Variants in ZDHHC14 observed in about 807,000 individuals in gnomAD.
ZDHHC14 encodes zDHHC palmitoyltransferase 14, also known as palmitoyltransferase ZDHHC14.
Under a neutral mutation model 47.7 loss-of-function variants are expected in ZDHHC14, and 16 were observed. The observed-to-expected ratio is 0.34, with a 90% CI of 0.23 to 0.51. The LOEUF (loss-of-function observed/expected upper bound fraction) is 0.51. Among genes scored for constraint, ZDHHC14 ranks in the 20% least tolerant of loss-of-function variants. The pLI, the probability that ZDHHC14 is intolerant of heterozygous loss-of-function variation, is 0.97. For missense variants in ZDHHC14, 515 were observed against 662.5 expected (o/e 0.78, Z 2.44); for synonymous variants, 293 against 278.9 (o/e 1.05, Z -0.50).
chr6:157,382,379 T>A (rs1777232081), intron 1 of ZDHHC14, 113 bp downstream of exon 1: 2 of 1,277,128 alleles, frequency 1.6e-6, no homozygotes, highest in Non-Finnish European at 2.2e-6. Flanking sequence ...TAAATTGTTA[T>A]ATAATGCCAG....
At chr6:157,491,373 A>G (rs1779911655) in intron 1 of ZDHHC14, among the ~76,000 whole-genome samples, 1 of 152,188 alleles carries the variant, frequency 6.6e-6, no homozygotes, top group African/African-American at 2.4e-5. Context: ...AAAGGCAGGA[A>G]CTACATTGAT....
chr6:157,664,279 T>C (rs931257209), intron 8 of ZDHHC14, among the ~76,000 whole-genome samples: 1 of 152,248 alleles, frequency 6.6e-6, no homozygotes, highest in East Asian at 1.9e-4. Flanking sequence ...TCATTTTGCT[T>C]ATTGTGCTTT....
At chr6:157,583,509 G>A (rs561626339) in intron 2 of ZDHHC14, among the ~76,000 whole-genome samples, 22 of 151,798 alleles carry the variant, frequency 1.4e-4, no homozygotes, top group African/African-American at 3.6e-4. Context: ...TTGTTGGTTC[G>A]TTTGTTTTGT....
intron 1 of ZDHHC14, among the ~76,000 whole-genome samples, chr6:157,495,123 A>G (rs780425296): frequency 6.6e-6 from 1 of 151,876 alleles, no homozygotes; most frequent in Non-Finnish European, 1.5e-5. Context: ...AAGGAGATTT[A>G]TAGTGTTTTT....
At chr6:157,393,141 A>G (rs564353340) in intron 1 of ZDHHC14, among the ~76,000 whole-genome samples, 351 of 152,324 alleles carry the variant, frequency 2.3e-3, no homozygotes, top group Non-Finnish European at 3.9e-3. Flanking sequence ...GGCCTCTCAA[A>G]GTGCTGGAAT....
intron 5 of ZDHHC14, among the ~76,000 whole-genome samples, chr6:157,637,250 G>A (rs912543318): frequency 1.3e-5 from 2 of 152,212 alleles, no homozygotes; most frequent in African/African-American, 4.8e-5. Context: ...GTGAAGCCCT[G>A]TAGCTCCTGA....
intron 4 of ZDHHC14, chr6:157,629,627 C>G (rs1326330737): frequency 1.3e-5 from 2 of 152,174 alleles, no homozygotes; most frequent in Admixed American, 1.3e-4. Flanking sequence ...TTCATAGGTA[C>G]TTTCAATCCT....
At chr6:157,604,552 CT>C (rs10533378) in intron 3 of ZDHHC14, among the ~76,000 whole-genome samples, 94 of 148,008 alleles carry the variant, frequency 6.4e-4, no homozygotes, top group Middle Eastern at 3.5e-3. Flanking sequence ...ATTTGTTACT[CT>C]TTTTTTTTTT....
At chr6:157,453,027 C>A (rs961179842) in intron 1 of ZDHHC14, among the ~76,000 whole-genome samples, 4 of 152,116 alleles carry the variant, frequency 2.6e-5, no homozygotes, top group Admixed American at 6.6e-5. Flanking sequence ...GAGTAATAAG[C>A]ACAATACTCT....
intron 1 of ZDHHC14, among the ~76,000 whole-genome samples, chr6:157,406,434 C>G (rs1777765482): frequency 6.6e-6 from 1 of 152,156 alleles, no homozygotes; most frequent in Non-Finnish European, 1.5e-5. Flanking sequence ...AATATGATTG[C>G]AGAAAAATAT....
intron 3 of ZDHHC14, among the ~76,000 whole-genome samples, chr6:157,614,530 C>T (rs754700424): frequency 1.4e-4 from 22 of 152,156 alleles, no homozygotes; most frequent in Non-Finnish European, 2.4e-4. Context: ...GCCTTAACTC[C>T]GAGGAAATCA....
chr6:157,673,839 G>A lies in ZDHHC14; in HGVS notation c.*717G>A, dbSNP rs1292009737. 1 of 152,556 alleles carries A rather than the reference G, an allele frequency of 6.6e-6. No individual in the cohort carries two copies. The highest frequency in any genetic ancestry group is 1.5e-5 in the Non-Finnish European group (1 of 68,040). The allele number at this position is 152,556 out of a possible 1,614,324, so 9.5% of individuals were successfully genotyped here. A position where few individuals can be genotyped will look rare whatever the true frequency, so the allele number is the denominator to read the frequency against. ...ACCTTCTGTTTGGCCGCTCGATGAGGTCTCGTGTTGAGATATTGTGTGCCA... is the reference window on the plus strand; with the variant it reads ...ACCTTCTGTTTGGCCGCTCGATGAGATCTCGTGTTGAGATATTGTGTGCCA... On this transcript the variant is annotated 3_prime_UTR_variant, in exon 9 of 9. Transcript: ENST00000359775. This position sits in a 1 kb window ranked among gnomAD's most constrained non-coding sequence, Gnocchi z 5.4.
At chr6:157,584,944 G>GCTGTAAT (rs1783634514) in intron 2 of ZDHHC14, among the ~76,000 whole-genome samples, 1 of 152,098 alleles carries the variant, frequency 6.6e-6, no homozygotes, top group Admixed American at 6.6e-5. Context: ...GTGGCTCATG[G>GCTGTAAT]CTGTAATCCC....
chr6:157,640,032 G>A (rs1424531309), intron 5 of ZDHHC14, among the ~76,000 whole-genome samples: 1 of 152,150 alleles, frequency 6.6e-6, no homozygotes, highest in Non-Finnish European at 1.5e-5. Flanking sequence ...GTGCCTGTCC[G>A]GGAAGCCATG....
At position 157,593,100 on chromosome 6, in the gene ZDHHC14, C is replaced by T. The variant is rs772052990; in HGVS notation, c.519C>T (p.Phe173=). The T allele has an allele frequency of 1.9e-6, 3 of 1,614,156 alleles. No homozygotes were observed. In the South Asian group the frequency reaches 3.3e-5, roughly 18 times the overall value. The change falls in exon 3 of 9, where the codon TTC becomes TTT. Residue 173 remains phenylalanine, a synonymous_variant. Coordinates refer to ENST00000359775, the MANE Select transcript of ZDHHC14 (RefSeq NM_024630.3). The stretch of plus-strand genomic sequence containing the variant: ...AATACTGTTTCACCTGCAAGATTTT[C>T]CGGCCCCCTCGCGCCTCCCATTGCA... The part of the protein sequence containing the change: ...KLKYCFTCKI[F]RPPRASHCSL...
intron 4 of ZDHHC14, chr6:157,629,931 A>G (rs1012610412): frequency 6.6e-6 from 1 of 152,260 alleles, no homozygotes; most frequent in South Asian, 2.1e-4. Flanking sequence ...CAACTAGGGA[A>G]GAAATACGAA....
intron 1 of ZDHHC14, among the ~76,000 whole-genome samples, chr6:157,405,070 A>T (rs1348561340): frequency 6.6e-6 from 1 of 151,304 alleles, no homozygotes; most frequent in East Asian, 1.9e-4. Context: ...ACAGGGCTGA[A>T]GCTCCCGTTT....
At chr6:157,532,859 T>C (rs1441673624) in intron 1 of ZDHHC14, among the ~76,000 whole-genome samples, 1 of 152,242 alleles carries the variant, frequency 6.6e-6, no homozygotes, top group African/African-American at 2.4e-5. Context: ...TTATGGATAG[T>C]TGAGTTTTTA....
chr6:157,437,544 A>G (rs1425771781), intron 1 of ZDHHC14, among the ~76,000 whole-genome samples: 2 of 152,204 alleles, frequency 1.3e-5, no homozygotes. Context: ...ATATGCCTGT[A>G]TACAATACTT....
Sources: allele counts gnomAD v4.1 joint callset (sites outside exome capture counted in the v4.1 genomes callset), GRCh38; gene constraint gnomAD v4.1.1; non-coding constraint Gnocchi (gnomAD v3.1); transcripts MANE v1.5; gene names NCBI Gene and HGNC (gene_info 2026-07-23, HGNC 2026-07-21).